EPHB1: variants seen among roughly 807,000 people sequenced by gnomAD.
EPHB1 encodes the protein EPH receptor B1, also known as ephrin type-B receptor 1.
Under a neutral mutation model 94.4 loss-of-function variants are expected in EPHB1, and 30 were observed. The observed-to-expected ratio is 0.32, with a 90% CI of 0.24 to 0.43. EPHB1 has a LOEUF of 0.43. EPHB1 is among the 20% of genes least tolerant of loss of function. The pLI is 1.00. For synonymous variants in EPHB1, 522 were observed against 489.1 expected, an observed-to-expected ratio of 1.07 and a Z score of -0.89; for missense variants, 1,055 against 1,308.3, an observed-to-expected ratio of 0.81 and a Z score of 2.99.
chr3:134,988,627 C>A (rs527721490), intron 3 of EPHB1, among the ~76,000 whole-genome samples: 8 of 151,564 alleles, frequency 5.3e-5, no homozygotes, highest in Admixed American at 1.3e-4. Flanking sequence ...GAGTTGGCTG[C>A]CCATGAGAGA....
At position 134,860,490 on chromosome 3, in the gene EPHB1, C is replaced by A. The variant is rs571543799; in HGVS notation, c.58+64801C>A. On this transcript the variant is annotated intron_variant, in intron 1 of 15. Coordinates refer to ENST00000398015, the MANE Select transcript of EPHB1 (RefSeq NM_004441.5). ...TATGCACCTTCCACCCTAACACTGG[C>A]ATAAGAAGCAACTCCACTTTACACT... is the stretch of plus-strand genomic sequence containing the variant. 3.9e-5 allele frequency among the ~76,000 whole-genome samples: 6 copies of A among 152,206 alleles called. No individual in the cohort carries two copies. In the East Asian group the frequency reaches 1.2e-3, roughly 29 times the overall value.
At chr3:135,136,230 T>G (rs1416623379) in intron 5 of EPHB1, among the ~76,000 whole-genome samples, 1 of 152,196 alleles carries the variant, frequency 6.6e-6, no homozygotes, top group Non-Finnish European at 1.5e-5. Context: ...TATCATTTGT[T>G]TTTTGGTCAT....
chr3:134,960,895 G>C (rs1295062669), intron 3 of EPHB1, among the ~76,000 whole-genome samples: 1 of 149,132 alleles, frequency 6.7e-6, no homozygotes, highest in South Asian at 2.2e-4. Flanking sequence ...GTCTGGAGTA[G>C]ACTACTCAGC....
intron 3 of EPHB1, among the ~76,000 whole-genome samples, chr3:135,100,970 C>A (rs1939014390): frequency 6.6e-6 from 1 of 151,988 alleles, no homozygotes; most frequent in East Asian, 1.9e-4. Context: ...GAGAGGGGTG[C>A]CATCAAAAAG....
intron 3 of EPHB1, among the ~76,000 whole-genome samples, chr3:134,973,851 A>G (rs1396059070): frequency 6.6e-6 from 1 of 152,194 alleles, no homozygotes; most frequent in Non-Finnish European, 1.5e-5. Flanking sequence ...CGGAATACTC[A>G]ATCCTAGAGA....
At chr3:134,828,982 C>T (rs1278767816) in intron 1 of EPHB1, among the ~76,000 whole-genome samples, 4 of 152,182 alleles carry the variant, frequency 2.6e-5, no homozygotes, top group Non-Finnish European at 5.9e-5. Flanking sequence ...CTTCTGATCA[C>T]CCAGGTCATA....
rs142792776 is a variant in EPHB1 at position 134,838,146 on chromosome 3, T to C, written c.58+42457T>C. The stretch of plus-strand genomic sequence containing the variant: ...ATGGATTGTCAGGCTTCTCATTGCA[T>C]AGAAATGTAACAAGCCTTCTGAGAT... On this transcript the variant is annotated intron_variant, in intron 1 of 15. Coordinates refer to ENST00000398015, the MANE Select transcript of EPHB1 (RefSeq NM_004441.5). Among the ~76,000 whole-genome samples the C allele has an allele frequency of 3.0e-4, 46 of 152,300 alleles. 1 individual carries two copies. The highest frequency in any genetic ancestry group is 5.3e-4 in the African/African-American group (22 of 41,578).
intron 3 of EPHB1, among the ~76,000 whole-genome samples, chr3:134,971,393 C>T (rs766636278): frequency 3.3e-5 from 5 of 152,158 alleles, no homozygotes; most frequent in African/African-American, 4.8e-5. Context: ...AGAGTCGATG[C>T]GTGACATTCA....
intron 1 of EPHB1, among the ~76,000 whole-genome samples, chr3:134,826,918 A>G (rs951923408): frequency 6.6e-6 from 1 of 152,180 alleles, no homozygotes; most frequent in Non-Finnish European, 1.5e-5. Context: ...CGCAACATCC[A>G]TGGGGTATTT....
At chr3:134,813,958 G>T (rs1034267955) in intron 1 of EPHB1, among the ~76,000 whole-genome samples, 2 of 152,182 alleles carry the variant, frequency 1.3e-5, no homozygotes, top group Non-Finnish European at 2.9e-5. Flanking sequence ...ATCACTTCTG[G>T]CTCTGAGAAA....
chr3:135,187,527 T>C (rs1250640381), intron 10 of EPHB1, among the ~76,000 whole-genome samples: 1 of 152,198 alleles, frequency 6.6e-6, no homozygotes, highest in Non-Finnish European at 1.5e-5. Flanking sequence ...GTAGATACTA[T>C]ATTAAACTGA....
chr3:134,899,198 C>T (rs1036095658), intron 1 of EPHB1, among the ~76,000 whole-genome samples: 37 of 152,202 alleles, frequency 2.4e-4, no homozygotes, highest in African/African-American at 8.4e-4. Flanking sequence ...AGAAAAGACA[C>T]CTTAGACCCC....
chr3:134,872,971 C>G (rs1042580672), intron 1 of EPHB1, among the ~76,000 whole-genome samples: 2 of 152,058 alleles, frequency 1.3e-5, no homozygotes, highest in South Asian at 4.1e-4. Context: ...GGGGATGGAC[C>G]GGGGAATATC....
At chr3:135,193,061 A>T (rs540226851) in intron 11 of EPHB1, among the ~76,000 whole-genome samples, 1 of 152,256 alleles carries the variant, frequency 6.6e-6, no homozygotes, top group Non-Finnish European at 1.5e-5. Context: ...GATGAATAAA[A>T]TGAATAGAGA....
At chr3:135,161,345 G>T (rs1185427256) in intron 6 of EPHB1, among the ~76,000 whole-genome samples, 26 of 152,154 alleles carry the variant, frequency 1.7e-4, no homozygotes, top group Non-Finnish European at 4.4e-5. Flanking sequence ...GCTCTGCAGG[G>T]AGAAGGCACA....
At chr3:135,248,542 G>A in intron 14 of EPHB1, 33 bp downstream of exon 14, 1 of 1,529,574 alleles carries the variant, frequency 6.5e-7, no homozygotes, top group Non-Finnish European at 8.9e-7. Flanking sequence ...CCCTAAATAT[G>A]GCTGGTTTCA....
At chr3:135,145,844 C>T (rs1348265339) in intron 5 of EPHB1, among the ~76,000 whole-genome samples, 1 of 152,188 alleles carries the variant, frequency 6.6e-6, no homozygotes, top group East Asian at 1.9e-4. Context: ...CCTTTTCCAC[C>T]TCATGCTCCT....
chr3:135,005,635 G>T (rs1158291364), intron 3 of EPHB1, among the ~76,000 whole-genome samples: 1 of 152,256 alleles, frequency 6.6e-6, no homozygotes, highest in African/African-American at 2.4e-5. Context: ...GACCCTCCGA[G>T]CCAGGTGCGG....
rs1242597752 is a variant in EPHB1 at position 135,216,279 on chromosome 3, GC to G, written c.2346+14595del. On this transcript the variant is annotated intron_variant, in intron 12 of 15. Transcript: ENST00000398015. The stretch of plus-strand genomic sequence containing the variant: ...CCCTCATTCTGATGCTGCTACATCT[GC>G]CCCCATAACAACCCATTTCCCAGAG... Among the ~76,000 whole-genome samples, 4 of 152,096 alleles carry G rather than the reference GC, an allele frequency of 2.6e-5. No individual in the cohort carries two copies. In the East Asian group the frequency reaches 7.7e-4, roughly 29 times the overall value.
Sources: allele counts gnomAD v4.1 joint callset (sites outside exome capture counted in the v4.1 genomes callset), GRCh38; gene constraint gnomAD v4.1.1; transcripts MANE v1.5; gene names NCBI Gene and HGNC (gene_info 2026-07-23, HGNC 2026-07-21).